The following DGUOK variants were observed in gnomAD, a reference collection of about 807,000 sequenced individuals.
DGUOK encodes the protein deoxyguanosine kinase, mitochondrial.
In DGUOK, 30 loss-of-function variants were observed where a neutral mutation model predicts 36.6. That is an observed-to-expected ratio of 0.82 (90% CI 0.61 to 1.11). DGUOK has a LOEUF of 1.11. DGUOK is among the 50% of genes most tolerant of loss of function. The pLI, the probability that DGUOK is intolerant of heterozygous loss-of-function variation, is 0.00. For synonymous variants in DGUOK, 145 were observed against 126.3 expected (o/e 1.15, Z -0.99); for missense variants, 361 against 336.4 (o/e 1.07, Z -0.57).
At chr2:73,955,621 T>A (rs988138139) in intron 4 of DGUOK, among the ~76,000 whole-genome samples, 1 of 152,194 alleles carries the variant, frequency 6.6e-6, no homozygotes, top group Non-Finnish European at 1.5e-5. Context: ...ACGCCTGTAA[T>A]CCCAGCATTT....
Position 73,946,854 on chromosome 2 carries a change from T to C in DGUOK, c.391T>C (p.Leu131=). 1 of 1,613,880 alleles carries C rather than the reference T, an allele frequency of 6.2e-7. No homozygotes were observed. The highest frequency in any genetic ancestry group is 8.5e-7 in the Non-Finnish European group (1 of 1,180,006). The change falls in exon 3 of 7, where the codon TTA becomes CTA. Residue 131 remains leucine (L), a synonymous_variant. Coordinates refer to ENST00000264093, the MANE Select transcript of DGUOK (RefSeq NM_080916.3). ...GCTGGAGCCCTTCCCTGAGAAACTC[T>C]TACAGGCCAGGAAGCCAGTACAGAT... ...VQLEPFPEKL[L]QARKPVQIFE...
intron 4 of DGUOK, among the ~76,000 whole-genome samples, chr2:73,955,954 T>A (rs1020116423): frequency 2.0e-5 from 3 of 152,184 alleles, no homozygotes; most frequent in Non-Finnish European, 2.9e-5. Flanking sequence ...ATGAAATGTT[T>A]GTCAAGCAGA....
intron 3 of DGUOK, among the ~76,000 whole-genome samples, chr2:73,949,647 C>G (rs1682571122): frequency 6.6e-6 from 1 of 152,206 alleles, no homozygotes; most frequent in Non-Finnish European, 1.5e-5. Flanking sequence ...GCCTTGCAGT[C>G]TGTACTTTCC....
chr2:73,952,283 A>G (rs1245291725), intron 4 of DGUOK, among the ~76,000 whole-genome samples: 1 of 152,264 alleles, frequency 6.6e-6, no homozygotes, highest in East Asian at 1.9e-4. Context: ...AAGGTGGGTC[A>G]TGTTTATGTG....
At chr2:73,950,911 G>A (rs1353778586) in intron 4 of DGUOK, among the ~76,000 whole-genome samples, 179 bp downstream of exon 4, 2 of 152,192 alleles carry the variant, frequency 1.3e-5, no homozygotes, top group African/African-American at 2.4e-5. Flanking sequence ...CACTGGCTTC[G>A]TGTAGCAGAG....
chr2:73,950,853 G>C (rs1410732851), intron 4 of DGUOK, 121 bp downstream of exon 4: 1 of 1,325,220 alleles, frequency 7.5e-7, no homozygotes, highest in African/African-American at 1.4e-5. Flanking sequence ...GCAGCACAGA[G>C]AGCAGTGGGG....
intron 2 of DGUOK, among the ~76,000 whole-genome samples, chr2:73,941,935 G>T (rs1681935007): frequency 6.7e-6 from 1 of 149,496 alleles, no homozygotes; most frequent in Non-Finnish European, 1.5e-5. Context: ...TTGAAACGGG[G>T]TCTCGCCTTG....
rs150555292 is a variant in DGUOK, at chr2:73,952,781, T to G, written c.591+2049T>G. On this transcript the variant is annotated intron_variant, in intron 4 of 6. Coordinates refer to ENST00000264093, the MANE Select transcript of DGUOK (RefSeq NM_080916.3). ...TGGGCCAGCTGAAGAGGCTCTTGTT[T>G]CTGGGGAGTGGAAGTTGGACCCAGC... Among the ~76,000 whole-genome samples the G allele has an allele frequency of 5.3e-5, 8 of 152,312 alleles. No individual in the cohort carries two copies. In the East Asian group the frequency reaches 1.5e-3, roughly 29 times the overall value.
At chr2:73,953,954 G>T (rs566860554) in intron 4 of DGUOK, among the ~76,000 whole-genome samples, 3 of 151,934 alleles carry the variant, frequency 2.0e-5, no homozygotes, top group African/African-American at 7.2e-5. Flanking sequence ...ATCTCCTGAC[G>T]TGATCCGCCC....
chr2:73,957,219 G>A lies in DGUOK; in HGVS notation c.686G>A (p.Trp229Ter). ...CAGCTGCATGGCCAACACGAAGCCT[G>A]GCTTATTCACAAGACAACGAAGTAA... The part of the protein sequence containing the change: ...LEQLHGQHEA[W>*]LIHKTTKLHF... The change falls in exon 5 of 7, where the codon TGG becomes TAG. Residue 229 changes from tryptophan to a stop codon, truncating the protein, a stop_gained. Coordinates refer to ENST00000264093, the MANE Select transcript of DGUOK (RefSeq NM_080916.3). LOFTEE classifies it high-confidence loss of function. 6.2e-7 allele frequency: 1 copy of A among 1,614,062 alleles called. No individual in the cohort carries two copies. Among genetic ancestry groups the A allele is most frequent in the Non-Finnish European group, 8.5e-7 (1 of 1,179,952 alleles).
Position 73,951,238 on chromosome 2 carries a change from T to C in DGUOK, c.591+506T>C, listed in dbSNP as rs188036305. ...CTATAGCAGTTCCATTCTGTGACTC[T>C]CTGGCTGGTGCCATCCTACATGAAG... On this transcript the variant is annotated intron_variant, in intron 4 of 6. Transcript: ENST00000264093. 7.3e-4 allele frequency among the ~76,000 whole-genome samples: 111 copies of C among 152,278 alleles called. 1 individual carries two copies. The South Asian group carries it at 8.7e-3, about 12-fold the overall frequency.
intron 1 of DGUOK, among the ~76,000 whole-genome samples, chr2:73,935,193 A>G (rs993822096): frequency 5.9e-5 from 9 of 152,246 alleles, no homozygotes; most frequent in Non-Finnish European, 1.0e-4. Context: ...GTGAGCCAAG[A>G]TCACACCACT....
chr2:73,938,149 C>G (rs558171326), intron 1 of DGUOK, among the ~76,000 whole-genome samples: 31 of 152,270 alleles, frequency 2.0e-4, no homozygotes, highest in Middle Eastern at 6.8e-3. Flanking sequence ...TGTATGGCTT[C>G]TTCTAGGGCC....
At chr2:73,946,286 A>G (rs749912394) in intron 2 of DGUOK, among the ~76,000 whole-genome samples, 3 of 152,212 alleles carry the variant, frequency 2.0e-5, no homozygotes, top group Non-Finnish European at 2.9e-5. Context: ...TTGACATTTT[A>G]TAAACATAAC....
At chr2:73,947,877 C>T (rs1682447553) in intron 3 of DGUOK, 1 of 152,130 alleles carries the variant, frequency 6.6e-6, no homozygotes, top group Non-Finnish European at 1.5e-5. Flanking sequence ...CAGTTGGTTA[C>T]TCTTTTAATT....
chr2:73,930,580 C>T (rs992112830), intron 1 of DGUOK, among the ~76,000 whole-genome samples: 1 of 152,078 alleles, frequency 6.6e-6, no homozygotes, highest in Non-Finnish European at 1.5e-5. Context: ...TTTGAACTCC[C>T]TCTATTTTCC....
chr2:73,944,889 A>G (rs1558655762), intron 2 of DGUOK, among the ~76,000 whole-genome samples: 1 of 152,114 alleles, frequency 6.6e-6, no homozygotes. Flanking sequence ...AGGAGACACA[A>G]ATTTGTCCTC....
intron 4 of DGUOK, 51 bp from the exon 5 acceptor site, chr2:73,957,074 T>C (rs375606051): frequency 2.2e-5 from 30 of 1,354,972 alleles, no homozygotes; most frequent in Non-Finnish European, 2.4e-5. Flanking sequence ...GACTGCATTG[T>C]AGCAGCCAAA....
intron 1 of DGUOK, among the ~76,000 whole-genome samples, chr2:73,935,441 T>G (rs927501788): frequency 1.3e-5 from 2 of 151,612 alleles, no homozygotes; most frequent in African/African-American, 4.9e-5. Flanking sequence ...GAAACATTTG[T>G]CAAAACAAAC....
Sources: allele counts gnomAD v4.1 joint callset (sites outside exome capture counted in the v4.1 genomes callset), GRCh38; gene constraint gnomAD v4.1.1; transcripts MANE v1.5; gene names NCBI Gene and HGNC (gene_info 2026-07-23, HGNC 2026-07-21).